The following BEND6 variants were observed in gnomAD, a reference collection of about 807,000 sequenced individuals.
BEND6 encodes the protein BEN domain-containing protein 6.
A neutral mutation model predicts 31.8 loss-of-function variants in BEND6; 24 were observed. The ratio of observed to expected loss-of-function variants is 0.75; its 90% CI spans 0.55 to 1.06. The LOEUF (loss-of-function observed/expected upper bound fraction) is 1.06. Among genes scored for constraint, BEND6 ranks in the 50% least tolerant of loss-of-function variants. The probability of loss-of-function intolerance (pLI) is 0.00; values close to 1 mark genes in which losing one functional copy is unlikely to be tolerated. For synonymous variants in BEND6, 109 were observed against 114.6 expected (o/e 0.95, Z 0.31); for missense variants, 294 against 327.4 (o/e 0.90, Z 0.79).
In BEND6 at chr6:56,992,528, CT is replaced by C; in HGVS notation, c.273del (p.Arg92AspfsTer70). 6.2e-7 allele frequency: 1 copy of C among 1,613,558 alleles called. No homozygotes were observed. Among genetic ancestry groups the C allele is most frequent in the South Asian group, 1.1e-5 (1 of 90,954 alleles). On this transcript the variant is annotated frameshift_variant, in exon 3 of 7. Coordinates refer to ENST00000370746, the MANE Select transcript of BEND6 (RefSeq NM_152731.3). LOFTEE classifies it high-confidence loss of function. ...AAACACCCGGAAAGAAAACAGCCGA[CT>C]TCGACAGTCTTTGGTCATGCTTCAA... is the stretch of plus-strand genomic sequence containing the variant. ...LTNTRKENSR[L>X]RQSLVMLQVL...
At chr6:56,974,450 A>G (rs1439910668) in intron 1 of BEND6, among the ~76,000 whole-genome samples, 1 of 152,238 alleles carries the variant, frequency 6.6e-6, no homozygotes, top group Non-Finnish European at 1.5e-5. Flanking sequence ...ACATTTTATT[A>G]TATATAAAAC....
chr6:56,963,315 G>C (rs1465295453), intron 1 of BEND6, among the ~76,000 whole-genome samples: 1 of 152,280 alleles, frequency 6.6e-6, no homozygotes, highest in East Asian at 1.9e-4. Flanking sequence ...ATGTTTCCTT[G>C]TACACAAGAG....
At chr6:56,999,988 G>A (rs1032218934) in intron 3 of BEND6, among the ~76,000 whole-genome samples, 13 of 150,850 alleles carry the variant, frequency 8.6e-5, no homozygotes, top group African/African-American at 2.7e-4. Flanking sequence ...GCCACCCATC[G>A]TCTGGGATGT....
chr6:57,015,486 A>G (rs1458738700), intron 4 of BEND6, 133 bp downstream of exon 4: 7 of 938,992 alleles, frequency 7.5e-6, no homozygotes, highest in African/African-American at 1.7e-5. Flanking sequence ...GAATATTACA[A>G]TTCTTAAGTA....
intron 3 of BEND6, among the ~76,000 whole-genome samples, chr6:56,993,965 G>T (rs1826605399): frequency 6.6e-6 from 1 of 152,126 alleles, no homozygotes; most frequent in Non-Finnish European, 1.5e-5. Flanking sequence ...CTCCCAAAGT[G>T]CTGGGATTAC....
intron 1 of BEND6, among the ~76,000 whole-genome samples, chr6:56,967,635 C>T (rs982399789): frequency 1.3e-5 from 2 of 152,138 alleles, no homozygotes; most frequent in Non-Finnish European, 2.9e-5. Flanking sequence ...AGCATCTAAC[C>T]AGGACTATAG....
At chr6:56,996,263 G>A (rs143759913) in intron 3 of BEND6, among the ~76,000 whole-genome samples, 104 of 152,086 alleles carry the variant, frequency 6.8e-4, no homozygotes, top group African/African-American at 2.3e-3. Flanking sequence ...CCTGGGCAAC[G>A]TGACAAAACT....
At chr6:56,975,921 T>C in intron 1 of BEND6, 1 of 531,974 alleles carries the variant, frequency 1.9e-6, no homozygotes, top group Non-Finnish European at 3.8e-6. Flanking sequence ...ATTCCTCCAG[T>C]GGTGAGGAAG....
chr6:57,003,168 C>A (rs779710819), intron 3 of BEND6, among the ~76,000 whole-genome samples: 3 of 152,030 alleles, frequency 2.0e-5, no homozygotes, highest in Admixed American at 6.5e-5. Flanking sequence ...GAAATTGAAA[C>A]CCTAAACAGA....
At chr6:57,004,887 C>G in intron 3 of BEND6, 1 of 598,128 alleles carries the variant, frequency 1.7e-6, no homozygotes, top group Non-Finnish European at 3.0e-6. Context: ...GTGGCATGTG[C>G]CAGTAGTCCC....
Position 56,979,324 on chromosome 6 carries a change from G to A in BEND6, c.-100-2387G>A, listed in dbSNP as rs533250493. On this transcript the variant is annotated intron_variant, in intron 1 of 6. Coordinates refer to ENST00000370746, the MANE Select transcript of BEND6 (RefSeq NM_152731.3). ...ATTATAAGCTCATTTTGGGATGTAT[G>A]GAGTTTCTTGGTGATGGTTATGCAA... is the stretch of plus-strand genomic sequence containing the variant. Among the ~76,000 whole-genome samples, 81 of 152,220 alleles carry A rather than the reference G, an allele frequency of 5.3e-4. No homozygotes were observed. The Middle Eastern group carries it at 0.01, about 19-fold the overall frequency.
chr6:56,997,693 A>G (rs1348089859), intron 3 of BEND6, among the ~76,000 whole-genome samples: 1 of 152,140 alleles, frequency 6.6e-6, no homozygotes, highest in African/African-American at 2.4e-5. Flanking sequence ...AGCTGGGACT[A>G]CAGGTGCCTG....
At chr6:56,992,802 A>C (rs1487792910) in intron 3 of BEND6, among the ~76,000 whole-genome samples, 1 of 152,198 alleles carries the variant, frequency 6.6e-6, no homozygotes, top group Non-Finnish European at 1.5e-5. Context: ...TTCATTTAAT[A>C]GTTTTTAAGA....
intron 6 of BEND6, among the ~76,000 whole-genome samples, chr6:57,024,555 G>A (rs1255562706): frequency 6.6e-6 from 1 of 152,004 alleles, no homozygotes; most frequent in Non-Finnish European, 1.5e-5. Flanking sequence ...GGCCTGCGTG[G>A]TTTCTGTTGA....
intron 2 of BEND6, 62 bp from the exon 3 acceptor site, chr6:56,992,316 C>T: frequency 1.3e-6 from 2 of 1,482,154 alleles, no homozygotes; most frequent in Admixed American, 4.6e-5. Flanking sequence ...CAATGGTTAA[C>T]CAGAGATAAA....
chr6:57,008,306 T>C, intron 3 of BEND6: 1 of 696,832 alleles, frequency 1.4e-6, no homozygotes. Flanking sequence ...TTATTTTGGC[T>C]TGCTCCAGGT....
intron 2 of BEND6, among the ~76,000 whole-genome samples, chr6:56,987,601 G>T (rs1420476665): frequency 6.6e-6 from 1 of 152,128 alleles, no homozygotes; most frequent in South Asian, 2.1e-4. Flanking sequence ...TCCCCCTAAA[G>T]GGCAGGGGCA....
chr6:57,013,178 A>T (rs1384828428), intron 3 of BEND6, among the ~76,000 whole-genome samples: 1 of 152,182 alleles, frequency 6.6e-6, no homozygotes, highest in Non-Finnish European at 1.5e-5. Context: ...AGTGCCTAAT[A>T]CTTCTGACAC....
intron 5 of BEND6, among the ~76,000 whole-genome samples, chr6:57,017,657 T>C (rs1428443075): frequency 1.3e-5 from 2 of 152,212 alleles, no homozygotes; most frequent in Non-Finnish European, 1.5e-5. Flanking sequence ...TTTGGAAATG[T>C]AAATTTTCAC....
Sources: gnomAD v4.1 joint callset for allele counts (sites outside exome capture counted in the v4.1 genomes callset) on GRCh38, gnomAD v4.1.1 for gene constraint, MANE v1.5 for transcripts, NCBI Gene and HGNC (gene_info 2026-07-23, HGNC 2026-07-21) for gene names.